Variants in TAFA1 observed in about 807,000 individuals in gnomAD.
The protein encoded by TAFA1 is chemokine-like protein TAFA-1.
A neutral mutation model predicts 18.5 loss-of-function variants in TAFA1; 4 were observed. The observed-to-expected ratio is 0.22, with a 90% CI of 0.11 to 0.49. The LOEUF (loss-of-function observed/expected upper bound fraction) is 0.49. TAFA1 is among the 20% of genes least tolerant of loss of function. The pLI is 0.98. For missense variants in TAFA1, 147 were observed against 169.0 expected (o/e 0.87, Z 0.72); for synonymous variants, 56 against 55.2 (o/e 1.01, Z -0.06).
intron 2 of TAFA1, among the ~76,000 whole-genome samples, chr3:68,408,590 C>T (rs2070655753): frequency 6.6e-6 from 1 of 152,080 alleles, no homozygotes; most frequent in Non-Finnish European, 1.5e-5. Context: ...TTTTCTTTCC[C>T]TTTACATTCC....
At chr3:68,105,358 A>G (rs186976050) in intron 2 of TAFA1, among the ~76,000 whole-genome samples, 1 of 152,280 alleles carries the variant, frequency 6.6e-6, no homozygotes, top group Admixed American at 6.5e-5. Flanking sequence ...ATGGACAGAA[A>G]CACAGTCGTG....
At chr3:68,323,873 T>G (rs924501810) in intron 2 of TAFA1, among the ~76,000 whole-genome samples, 59 of 152,262 alleles carry the variant, frequency 3.9e-4, no homozygotes, top group African/African-American at 1.3e-3. Flanking sequence ...GCAAGCCAGA[T>G]AGCAATCAGG....
intron 2 of TAFA1, among the ~76,000 whole-genome samples, chr3:68,363,731 T>G (rs576876096): frequency 7.9e-5 from 12 of 152,214 alleles, no homozygotes; most frequent in Non-Finnish European, 1.5e-4. Flanking sequence ...AGTAAATCAT[T>G]ATGCATTGGC....
At chr3:68,237,376 G>C (rs2066940679) in intron 2 of TAFA1, among the ~76,000 whole-genome samples, 1 of 152,162 alleles carries the variant, frequency 6.6e-6, no homozygotes, top group South Asian at 2.1e-4. Flanking sequence ...TTGGAAGTTA[G>C]GATTTCAACA....
chr3:68,044,603 A>G (rs558685030), intron 2 of TAFA1, among the ~76,000 whole-genome samples: 2 of 152,330 alleles, frequency 1.3e-5, no homozygotes, highest in South Asian at 4.1e-4. Flanking sequence ...AAGACACTGA[A>G]AACAATTTCA....
chr3:68,462,815 C>G (rs969569167), intron 3 of TAFA1, among the ~76,000 whole-genome samples: 1 of 152,176 alleles, frequency 6.6e-6, no homozygotes, highest in South Asian at 2.1e-4. Context: ...ATATCAGAGA[C>G]TCCATTGCCT....
chr3:68,380,595 C>T (rs1445055962), intron 2 of TAFA1, among the ~76,000 whole-genome samples: 11 of 152,142 alleles, frequency 7.2e-5, no homozygotes, highest in South Asian at 4.1e-4. Flanking sequence ...TCATATCCTT[C>T]GCCCACTTTT....
At chr3:68,311,195 T>C (rs1007714555) in intron 2 of TAFA1, among the ~76,000 whole-genome samples, 1 of 152,164 alleles carries the variant, frequency 6.6e-6, no homozygotes, top group African/African-American at 2.4e-5. Flanking sequence ...GATTCAATCG[T>C]GTCCCACTGG....
chr3:68,333,762 T>C (rs933683057), intron 2 of TAFA1, among the ~76,000 whole-genome samples: 5 of 152,188 alleles, frequency 3.3e-5, no homozygotes, highest in African/African-American at 4.8e-5. Flanking sequence ...ATAGCCAAGA[T>C]ACAGAGTCAC....
intron 3 of TAFA1, among the ~76,000 whole-genome samples, chr3:68,439,911 C>T (rs2071341239): frequency 6.6e-6 from 1 of 152,086 alleles, no homozygotes. Flanking sequence ...ATAATAAGAT[C>T]ATAATTATGC....
chr3:68,227,299 T>G (rs1368332826), intron 2 of TAFA1, among the ~76,000 whole-genome samples: 1 of 152,216 alleles, frequency 6.6e-6, no homozygotes, highest in Non-Finnish European at 1.5e-5. Context: ...AAATCATATG[T>G]CATTAGATAA....
At chr3:68,234,003 C>T (rs2066900053) in intron 2 of TAFA1, among the ~76,000 whole-genome samples, 1 of 152,168 alleles carries the variant, frequency 6.6e-6, no homozygotes, top group Non-Finnish European at 1.5e-5. Context: ...GGAGTTCAAG[C>T]CAGGAGATCC....
At chr3:68,002,254 T>C (rs1471283350), upstream of TAFA1, among the ~76,000 whole-genome samples, 1 of 152,252 alleles carries the variant, frequency 6.6e-6, no homozygotes, top group Non-Finnish European at 1.5e-5. Flanking sequence ...ACTATGCTAA[T>C]ATTCTTGCTT....
chr3:68,237,764 A>G (rs184547936), intron 2 of TAFA1, among the ~76,000 whole-genome samples: 26 of 152,340 alleles, frequency 1.7e-4, no homozygotes, highest in East Asian at 1.9e-4. Context: ...TCAGAGCCCA[A>G]TCAGAAATGA....
At chr3:68,139,774 A>G (rs2065648606) in intron 2 of TAFA1, among the ~76,000 whole-genome samples, 1 of 152,200 alleles carries the variant, frequency 6.6e-6, no homozygotes. Flanking sequence ...GCCTCATCTT[A>G]CTTATCTGAA....
intron 2 of TAFA1, among the ~76,000 whole-genome samples, chr3:68,203,863 T>C (rs2066495498): frequency 6.6e-6 from 1 of 151,640 alleles, no homozygotes; most frequent in Non-Finnish European, 1.5e-5. Context: ...CTCCCTCTCC[T>C]GGTTGGAAGC....
chr3:68,279,512 C>T (rs1449439175), intron 2 of TAFA1, among the ~76,000 whole-genome samples: 1 of 152,142 alleles, frequency 6.6e-6, no homozygotes, highest in African/African-American at 2.4e-5. Flanking sequence ...ACAGATTCTA[C>T]TTCTCTAGAC....
chr3:68,163,561 TA>T (rs983147870), intron 2 of TAFA1, among the ~76,000 whole-genome samples: 4 of 152,198 alleles, frequency 2.6e-5, no homozygotes, highest in Admixed American at 1.3e-4. Context: ...TGTGCTCCCA[TA>T]GTGTTATGAT....
the TAFA1 span, among the ~76,000 whole-genome samples, chr3:67,994,897 T>C: frequency 6.6e-6 from 1 of 152,184 alleles, no homozygotes; most frequent in Non-Finnish European, 1.5e-5. Flanking sequence ...GAAAGACTTC[T>C]GGAACCAGCG....
Sources: allele counts gnomAD v4.1 joint callset (sites outside exome capture counted in the v4.1 genomes callset), GRCh38; gene constraint gnomAD v4.1.1; transcripts MANE v1.5; gene names NCBI Gene and HGNC (gene_info 2026-07-23, HGNC 2026-07-21).